Variants in FOCAD observed in about 807,000 individuals in gnomAD.
FOCAD encodes the protein KIAA1797.
In FOCAD, 198 loss-of-function variants were observed where a neutral mutation model predicts 225.6. The observed-to-expected ratio is 0.88, with a 90% CI of 0.78 to 0.99. FOCAD has a LOEUF of 0.99. Ranked by LOEUF, FOCAD falls within the 50% of genes least tolerant of loss-of-function variation. The pLI, the probability that FOCAD is intolerant of heterozygous loss-of-function variation, is 0.00. For synonymous variants in FOCAD, 897 were observed against 755.0 expected, an observed-to-expected ratio of 1.19 and a Z score of -3.08; for missense variants, 2,713 against 2,123.6, an observed-to-expected ratio of 1.28 and a Z score of -5.46.
chr9:20,876,907 A>G (rs368372698), intron 19 of FOCAD, among the ~76,000 whole-genome samples: 25 of 152,294 alleles, frequency 1.6e-4, no homozygotes, highest in African/African-American at 6.0e-4. Context: ...AGCAGCTGTA[A>G]AGTGAATCCA....
At chr9:20,866,726 C>T (rs1401156865) in intron 17 of FOCAD, among the ~76,000 whole-genome samples, 7 of 151,504 alleles carry the variant, frequency 4.6e-5, no homozygotes, top group East Asian at 1.9e-4. Context: ...TTAAATTTCT[C>T]GATCTCTCTT....
chr9:20,803,854 G>C (rs1049615217), intron 11 of FOCAD, among the ~76,000 whole-genome samples: 3 of 152,112 alleles, frequency 2.0e-5, no homozygotes, highest in Admixed American at 6.5e-5. Flanking sequence ...AGATGGAAGT[G>C]GTGTGGAGAA....
intron 4 of FOCAD, among the ~76,000 whole-genome samples, chr9:20,723,853 G>C (rs1825989429): frequency 6.6e-6 from 1 of 152,152 alleles, no homozygotes; most frequent in Non-Finnish European, 1.5e-5. Flanking sequence ...TTGGCTTACA[G>C]TTCTACAGGC....
chr9:20,761,035 C>T (rs749535487), intron 6 of FOCAD, among the ~76,000 whole-genome samples: 5 of 151,628 alleles, frequency 3.3e-5, no homozygotes, highest in East Asian at 1.9e-4. Flanking sequence ...GGGGGCGTTA[C>T]AATTATTATT....
At chr9:20,778,978 A>G (rs551792671) in intron 9 of FOCAD, among the ~76,000 whole-genome samples, 1 of 152,310 alleles carries the variant, frequency 6.6e-6, no homozygotes, top group South Asian at 2.1e-4. Flanking sequence ...TCTCGGCTGC[A>G]TGTTAGAGGT....
At chr9:20,964,085 G>C (rs1030818730) in intron 35 of FOCAD, among the ~76,000 whole-genome samples, 4 of 152,020 alleles carry the variant, frequency 2.6e-5, no homozygotes, top group African/African-American at 4.8e-5. Context: ...GCAGGGGTTG[G>C]CCAGATGTGG....
At chr9:20,988,997 C>T (rs1009586106) in intron 41 of FOCAD, among the ~76,000 whole-genome samples, 2 of 152,110 alleles carry the variant, frequency 1.3e-5, no homozygotes, top group Admixed American at 1.3e-4. Flanking sequence ...AAGTAAGAAC[C>T]GCTAGTATTA....
intron 4 of FOCAD, among the ~76,000 whole-genome samples, chr9:20,729,862 G>C (rs1826526567): frequency 6.6e-6 from 1 of 152,108 alleles, no homozygotes; most frequent in Non-Finnish European, 1.5e-5. Context: ...AGTGAATGGA[G>C]AATCAGTGTC....
At chr9:20,743,185 A>G (rs1288152131) in intron 5 of FOCAD, among the ~76,000 whole-genome samples, 1 of 152,194 alleles carries the variant, frequency 6.6e-6, no homozygotes, top group Middle Eastern at 3.2e-3. Context: ...GAGGCAACTG[A>G]TGAGCTGTGT....
intron 35 of FOCAD, among the ~76,000 whole-genome samples, chr9:20,968,105 A>G (rs1221031579): frequency 6.6e-6 from 1 of 152,096 alleles, no homozygotes; most frequent in Non-Finnish European, 1.5e-5. Context: ...TTGTTGGGAA[A>G]TATTTGATTG....
chr9:20,953,087 A>C, intron 35 of FOCAD, 22 bp downstream of exon 35: 1 of 1,575,076 alleles, frequency 6.3e-7, no homozygotes, highest in Non-Finnish European at 8.7e-7. Context: ...CATTTCTTGA[A>C]TTTTATCATT....
chr9:20,744,449 A>G (rs1444971942), intron 5 of FOCAD, among the ~76,000 whole-genome samples: 1 of 152,188 alleles, frequency 6.6e-6, no homozygotes, highest in Non-Finnish European at 1.5e-5. Flanking sequence ...AGGCATAGAT[A>G]TTTAAATAAG....
At chr9:20,713,296 T>C (rs1268068240) in intron 1 of FOCAD, among the ~76,000 whole-genome samples, 1 of 152,208 alleles carries the variant, frequency 6.6e-6, no homozygotes, top group Non-Finnish European at 1.5e-5. Context: ...CACATCTCTT[T>C]ATTCTTCCTA....
intron 25 of FOCAD, 27 bp from the exon 26 acceptor site, chr9:20,926,274 C>T: frequency 7.8e-7 from 1 of 1,276,600 alleles, no homozygotes; most frequent in Non-Finnish European, 1.1e-6. Context: ...TCTCTGTAAT[C>T]ATTTCATGTT....
intron 2 of FOCAD, among the ~76,000 whole-genome samples, chr9:20,717,077 CAGTA>C (rs1220756319): frequency 1.3e-5 from 2 of 152,166 alleles, no homozygotes; most frequent in Non-Finnish European, 2.9e-5. Context: ...AGATAAGAGA[CAGTA>C]AGTTGGACTA....
rs781693063 is a variant in FOCAD, at chr9:20,990,128, G to A, written c.5010G>A (p.Leu1670=). 9.3e-6 allele frequency: 15 copies of A among 1,613,992 alleles called. No homozygotes were observed. The highest frequency in any genetic ancestry group is 1.3e-5 in the African/African-American group (1 of 74,930). Residue 1670 remains leucine (L), a synonymous_variant, in exon 42 of 44, where the codon TTG becomes TTA. Coordinates refer to ENST00000338382, the MANE Select transcript of FOCAD (RefSeq NM_001375567.1). ...SFHNTALDKA[L]DFFLLIFATA... is the part of the protein sequence containing the mutation. ...CATTTCTATTTTCATCGTAGGCTTT[G>A]GACTTCTTCTTGCTGATATTTGCAA...
At chr9:20,752,104 A>C (rs1451011585) in intron 5 of FOCAD, among the ~76,000 whole-genome samples, 1 of 145,840 alleles carries the variant, frequency 6.9e-6, no homozygotes, top group Non-Finnish European at 1.5e-5. Context: ...CCCATTTTGT[A>C]GGTTGCCTGT....
intron 1 of FOCAD, among the ~76,000 whole-genome samples, chr9:20,688,117 CGT>C (rs1822772231): frequency 6.6e-6 from 1 of 152,102 alleles, no homozygotes; most frequent in Non-Finnish European, 1.5e-5. Context: ...TCTTCCACAC[CGT>C]GTTAGCCATT....
At chr9:20,678,642 C>A (rs1037646316) in intron 2 of FOCAD, among the ~76,000 whole-genome samples, 1 of 152,152 alleles carries the variant, frequency 6.6e-6, no homozygotes. Flanking sequence ...TTCAGGAGAT[C>A]AAGAGAGAGG....
Sources: gnomAD v4.1 joint callset for allele counts (sites outside exome capture counted in the v4.1 genomes callset) on GRCh38, gnomAD v4.1.1 for gene constraint, MANE v1.5 for transcripts, NCBI Gene and HGNC (gene_info 2026-07-23, HGNC 2026-07-21) for gene names.